The following SH3D19 variants were observed in gnomAD, a reference collection of about 807,000 sequenced individuals.
The protein encoded by SH3D19 is SH3 domain containing 19.
A neutral mutation model predicts 112.1 loss-of-function variants in SH3D19; 58 were observed. The observed-to-expected ratio is 0.52, with a 90% confidence interval of 0.42 to 0.64. SH3D19 has a LOEUF of 0.64. Ranked by LOEUF, SH3D19 falls within the 30% of genes least tolerant of loss-of-function variation. The probability of loss-of-function intolerance (pLI) is 0.00; values close to 1 mark genes in which losing one functional copy is unlikely to be tolerated. For synonymous variants in SH3D19, 391 were observed against 448.5 expected (o/e 0.87, Z 1.62); for missense variants, 1,090 against 1,263.4 (o/e 0.86, Z 2.08).
chr4:151,281,412 C>T (rs535427072), intron 1 of SH3D19, among the ~76,000 whole-genome samples: 5 of 151,990 alleles, frequency 3.3e-5, no homozygotes, highest in African/African-American at 7.3e-5. Context: ...ACTGATCTAA[C>T]GAAAAGTTAT....
At chr4:151,135,017 T>C in intron 15 of SH3D19, 57 bp downstream of exon 15, 1 of 1,393,940 alleles carries the variant, frequency 7.2e-7, no homozygotes, top group South Asian at 1.2e-5. Flanking sequence ...TAATTCTTCA[T>C]GATATAGATG....
chr4:151,277,297 G>A (rs986166897), intron 1 of SH3D19: 8 of 1,214,204 alleles, frequency 6.6e-6, no homozygotes, highest in South Asian at 6.2e-5. Flanking sequence ...ATAGAACAAT[G>A]TGACACTTCA....
intron 2 of SH3D19, among the ~76,000 whole-genome samples, chr4:151,207,543 A>T (rs918689916): frequency 2.0e-5 from 3 of 152,204 alleles, no homozygotes; most frequent in African/African-American, 7.2e-5. Flanking sequence ...GAGAGGACCA[A>T]ATCTGTATCT....
At chr4:151,156,084 AAG>A (rs1756054675) in intron 9 of SH3D19, among the ~76,000 whole-genome samples, 1 of 152,182 alleles carries the variant, frequency 6.6e-6, no homozygotes. Flanking sequence ...TAGCTACAAA[AAG>A]AAATACCTTG....
intron 3 of SH3D19, among the ~76,000 whole-genome samples, chr4:151,182,362 G>A (rs1453478999): frequency 6.6e-6 from 1 of 152,142 alleles, no homozygotes; most frequent in East Asian, 1.9e-4. Flanking sequence ...ACTTCAATAA[G>A]CATTGATTTT....
intron 13 of SH3D19, among the ~76,000 whole-genome samples, 163 bp downstream of exon 13, chr4:151,139,612 A>G (rs1752611566): frequency 6.6e-6 from 1 of 152,056 alleles, no homozygotes; most frequent in Admixed American, 6.6e-5. Context: ...GGTACAATCA[A>G]CCCTTCTTGA....
At chr4:151,126,973 A>C (rs938973857) in intron 19 of SH3D19, among the ~76,000 whole-genome samples, 1 of 149,958 alleles carries the variant, frequency 6.7e-6, no homozygotes, top group African/African-American at 2.5e-5. Context: ...GCAGTGGTGC[A>C]ATCTCGGCTC....
At chr4:151,195,137 G>C (rs1763230293) in intron 2 of SH3D19, among the ~76,000 whole-genome samples, 1 of 151,014 alleles carries the variant, frequency 6.6e-6, no homozygotes, top group Admixed American at 6.6e-5. Flanking sequence ...TTGGGAGGCT[G>C]AGGTGGGTGG....
Position 151,174,858 on chromosome 4 carries a change from C to T in SH3D19, c.1346G>A (p.Arg449Gln), listed in dbSNP as rs777645889. ...TTTGGCTTGTGATGCCCCTGCGAGT[C>T]GGGGAGGAACAGTGACAGGTTTCAG... ...APLKPVTVPP[R>Q]LAGASQAKAY... Residue 449 changes from arginine to glutamine, a missense_variant, in exon 7 of 20, where the codon CGA becomes CAA. By Grantham distance (43) the Arg-to-Gln change is conservative. Coordinates refer to ENST00000604030, the MANE Select transcript of SH3D19 (RefSeq NM_001378122.1). 22 of 1,600,016 alleles carry T rather than the reference C, an allele frequency of 1.4e-5. No individual in the cohort carries two copies. Among genetic ancestry groups the T allele is most frequent in the South Asian group, 6.8e-5 (6 of 88,202 alleles).
chr4:151,161,991 T>A (rs1321109731), intron 8 of SH3D19, among the ~76,000 whole-genome samples: 1 of 152,064 alleles, frequency 6.6e-6, no homozygotes, highest in African/African-American at 2.4e-5. Context: ...AGAATATTTT[T>A]AAAATTTTAC....
chr4:151,226,914 G>A (rs1769098538), intron 1 of SH3D19, among the ~76,000 whole-genome samples: 1 of 152,080 alleles, frequency 6.6e-6, no homozygotes, highest in Non-Finnish European at 1.5e-5. Flanking sequence ...AAAACCCACA[G>A]GTTGTCTTTT....
At chr4:151,145,405 G>A (rs1320527993) in intron 11 of SH3D19, among the ~76,000 whole-genome samples, 2 of 151,856 alleles carry the variant, frequency 1.3e-5, no homozygotes, top group African/African-American at 4.8e-5. Context: ...CTAATCAATC[G>A]ACCTTGTTAT....
Position 151,148,035 on chromosome 4 carries a change from G to GT in SH3D19, c.1968dup (p.Gln657ThrfsTer3). The GT allele has an allele frequency of 3.7e-6, 6 of 1,614,068 alleles. No homozygotes were observed. The highest frequency in any genetic ancestry group is 5.1e-6 in the Non-Finnish European group (6 of 1,180,018). On this transcript the variant is annotated frameshift_variant, in exon 11 of 20. Coordinates refer to ENST00000604030, the MANE Select transcript of SH3D19 (RefSeq NM_001378122.1). LOFTEE classifies it high-confidence loss of function. ...GAGAGTCCAGTTGCCAAGTTACTTT[G>GT]TTTTTTCTGAAGATCCATGTCAGAA...
chr4:151,289,927 AAAAAACCGGT>A (rs1225472017), intron 1 of SH3D19, among the ~76,000 whole-genome samples: 1 of 152,154 alleles, frequency 6.6e-6, no homozygotes. Flanking sequence ...ATAAACAAAG[AAAAAACCGGT>A]ACACAAGTGT....
At chr4:151,134,958 G>A in intron 15 of SH3D19, 116 bp downstream of exon 15, 2 of 779,344 alleles carry the variant, frequency 2.6e-6, no homozygotes, top group East Asian at 5.8e-5. Flanking sequence ...AAAGTACTGG[G>A]ATACAGGTCT....
At chr4:151,297,734 A>G (rs1486925120) in intron 1 of SH3D19, among the ~76,000 whole-genome samples, 1 of 152,236 alleles carries the variant, frequency 6.6e-6, no homozygotes, top group Admixed American at 6.5e-5. Flanking sequence ...AGGCTAAACA[A>G]TAGCCCCTCT....
At chr4:151,122,926 A>T (rs1158815174) in intron 19 of SH3D19, among the ~76,000 whole-genome samples, 2 of 140,418 alleles carry the variant, frequency 1.4e-5, no homozygotes, top group Admixed American at 1.6e-4. Context: ...ATCTCGGCTC[A>T]CTGCAACCTC....
At chr4:151,320,085 T>C (rs902422559) in intron 1 of SH3D19, among the ~76,000 whole-genome samples, 2 of 152,230 alleles carry the variant, frequency 1.3e-5, no homozygotes, top group Non-Finnish European at 2.9e-5. Context: ...AAGCACCTGG[T>C]ACACCGTGAA....
chr4:151,125,193 G>A (rs569835655), intron 19 of SH3D19, among the ~76,000 whole-genome samples: 98 of 152,326 alleles, frequency 6.4e-4, no homozygotes, highest in Non-Finnish European at 1.1e-3. Context: ...TTATGGCTGG[G>A]TGTGGTGACT....
Sources: gnomAD v4.1 joint callset for allele counts (sites outside exome capture counted in the v4.1 genomes callset) on GRCh38, gnomAD v4.1.1 for gene constraint, MANE v1.5 for transcripts, NCBI Gene and HGNC (gene_info 2026-07-23, HGNC 2026-07-21) for gene names.